Variants in ITGA6 observed in about 807,000 individuals in gnomAD.
ITGA6 encodes the protein integrin alpha-6.
Under a neutral mutation model 133.6 loss-of-function variants are expected in ITGA6, and 63 were observed. That is an observed-to-expected ratio of 0.47 (90% CI 0.38 to 0.58). The LOEUF is 0.58. Ranked by LOEUF, ITGA6 falls within the 20% of genes least tolerant of loss-of-function variation. The pLI is 0.00. For synonymous variants in ITGA6, 434 were observed against 482.0 expected (o/e 0.90, Z 1.30); for missense variants, 1,068 against 1,309.4 (o/e 0.82, Z 2.85).
At position 172,475,645 on chromosome 2, in the gene ITGA6, A is replaced by C; in HGVS notation, c.1229A>C (p.Tyr410Ser). The C allele has an allele frequency of 6.2e-7, 1 of 1,608,052 alleles. No individual in the cohort carries two copies. The highest frequency in any genetic ancestry group is 8.5e-7 in the Non-Finnish European group (1 of 1,174,514). ...PYDDLGKVFI[Y>S]HGSANGINTK... ...GATGACTTGGGAAAGGTTTTTATCT[A>C]TCATGGATCTGCAAATGGAATAAAT... is the stretch of plus-strand genomic sequence containing the variant. The change falls in exon 8 of 26, where the codon TAT (tyrosine) becomes TCT (serine). Residue 410 changes from tyrosine (Y) to serine (S), a missense_variant. By Grantham distance (144) the Tyr-to-Ser change is moderately radical (BLOSUM62 -2). Around this residue, in one of 3 missense-constraint regions of ITGA6, gnomAD observed 317 missense variants for 456.9 expected, o/e 0.69. Transcript: ENST00000684293.
intron 5 of ITGA6, chr2:172,472,940 A>C: frequency 8.0e-7 from 1 of 1,249,588 alleles, no homozygotes; most frequent in South Asian, 1.2e-5. Context: ...GTGGTCATTA[A>C]ATTTTTTTTT....
At position 172,487,299 on chromosome 2, in the gene ITGA6, A is replaced by C. The variant is rs1686726416; in HGVS notation, c.2006A>C (p.Gln669Pro). The C allele has an allele frequency of 4.3e-6, 7 of 1,613,990 alleles. No homozygotes were observed. The Admixed American group carries it at 1.0e-4, about 23-fold the overall frequency. ...KGVPELVLKD[Q>P]KDIALEITVT... ...GTACCAGAACTAGTTCTAAAAGATC[A>C]GAAGGATATTGCTTTAGAAATAACA... is the stretch of plus-strand genomic sequence containing the variant. Residue 669 changes from glutamine to proline, a missense_variant, in exon 15 of 26, where the codon CAG (glutamine) becomes CCG (proline). Coordinates refer to ENST00000684293, the MANE Select transcript of ITGA6 (RefSeq NM_000210.4).
At chr2:172,469,445 C>CCATG (rs3215376) in intron 4 of ITGA6, 65 bp downstream of exon 4, 116 of 1,466,816 alleles carry the variant, frequency 7.9e-5, no homozygotes, top group Non-Finnish European at 9.9e-5. Flanking sequence ...TGATTTAGTA[C>CCATG]ATTTTGAGCT....
chr2:172,493,815 G>A (rs150386024), intron 23 of ITGA6, among the ~76,000 whole-genome samples: 169 of 152,324 alleles, frequency 1.1e-3, no homozygotes, highest in African/African-American at 3.9e-3. Context: ...TTCAAGTGCT[G>A]TCTTCTTCTG....
chr2:172,431,222 C>A (rs546592006), intron 1 of ITGA6, among the ~76,000 whole-genome samples: 1 of 152,148 alleles, frequency 6.6e-6, no homozygotes, highest in Admixed American at 6.5e-5. Flanking sequence ...ATCATCTAGT[C>A]CAACTGCCTC....
chr2:172,488,774 C>G (rs1686796556), intron 19 of ITGA6, among the ~76,000 whole-genome samples: 1 of 152,174 alleles, frequency 6.6e-6, no homozygotes, highest in Non-Finnish European at 1.5e-5. Context: ...CCTCAAATGG[C>G]AAGCATGGGC....
intron 11 of ITGA6, among the ~76,000 whole-genome samples, chr2:172,481,696 G>A (rs1046706705): frequency 2.0e-5 from 3 of 152,164 alleles, no homozygotes; most frequent in South Asian, 2.1e-4. Context: ...GACCTTGCAC[G>A]AAGCATTCTT....
Position 172,485,207 on chromosome 2 carries a change from A to G in ITGA6, c.1797A>G (p.Ser599=), listed in dbSNP as rs779673492. The G allele has an allele frequency of 1.6e-5, 26 of 1,614,068 alleles. No individual in the cohort carries two copies. Among genetic ancestry groups the G allele is most frequent in the Non-Finnish European group, 2.2e-5 (26 of 1,179,880 alleles). ...QEPSSRRRVN[S]LPEVLPILNS... is the part of the protein sequence containing the mutation. ...CAAGCTCTCGTAGGCGAGTGAATTC[A>G]CTTCCAGAAGTTCTTCCAATTCTGA... is the stretch of plus-strand genomic sequence containing the variant. The change falls in exon 13 of 26, where the codon TCA becomes TCG. Residue 599 remains serine, a synonymous_variant. Coordinates refer to ENST00000684293, the MANE Select transcript of ITGA6 (RefSeq NM_000210.4).
intron 1 of ITGA6, among the ~76,000 whole-genome samples, chr2:172,460,617 G>C (rs1277215350): frequency 1.3e-5 from 2 of 152,138 alleles, no homozygotes; most frequent in African/African-American, 4.8e-5. Flanking sequence ...GTGGGGCTTG[G>C]GATGAGTTTG....
At chr2:172,432,298 A>G (rs1278287647) in intron 1 of ITGA6, among the ~76,000 whole-genome samples, 1 of 152,228 alleles carries the variant, frequency 6.6e-6, no homozygotes, top group African/African-American at 2.4e-5. Context: ...TCTGTAGCAC[A>G]TTGTGTCTGA....
intron 11 of ITGA6, among the ~76,000 whole-genome samples, chr2:172,481,335 G>C (rs563281661): frequency 6.6e-6 from 1 of 152,168 alleles, no homozygotes; most frequent in African/African-American, 2.4e-5. Context: ...GCCACATAAG[G>C]ACTAGGGTTT....
chr2:172,465,503 A>G, intron 1 of ITGA6, 36 bp from the exon 2 acceptor site: 1 of 1,613,378 alleles, frequency 6.2e-7, no homozygotes, highest in South Asian at 1.1e-5. Context: ...CGTATATTAA[A>G]TTCAAATCTC....
At chr2:172,444,948 C>A (rs1236105015) in intron 1 of ITGA6, among the ~76,000 whole-genome samples, 1 of 147,554 alleles carries the variant, frequency 6.8e-6, no homozygotes, top group East Asian at 2.8e-4. Context: ...AGGCATATAA[C>A]TTGATTTCTG....
intron 13 of ITGA6, 67 bp from the exon 14 acceptor site, chr2:172,486,956 C>T: frequency 2.4e-6 from 2 of 826,242 alleles, no homozygotes; most frequent in Non-Finnish European, 2.1e-6. Flanking sequence ...AATAGCCAGT[C>T]ACCTACATCG....
At chr2:172,428,847 C>T (rs976943991) in intron 1 of ITGA6, among the ~76,000 whole-genome samples, 2 of 152,222 alleles carry the variant, frequency 1.3e-5, no homozygotes, top group South Asian at 2.1e-4. Flanking sequence ...ATTTCTTAAA[C>T]AGTGTTTGGT....
At chr2:172,480,444 C>T (rs548830612) in intron 11 of ITGA6, among the ~76,000 whole-genome samples, 107 of 151,778 alleles carry the variant, frequency 7.0e-4, no homozygotes, top group Non-Finnish European at 1.1e-3. Flanking sequence ...GAAAGGGCAA[C>T]GGCAGGAGCC....
intron 1 of ITGA6, among the ~76,000 whole-genome samples, chr2:172,464,944 G>GGA (rs1559132582): frequency 6.8e-6 from 1 of 147,748 alleles, no homozygotes; most frequent in Non-Finnish European, 1.5e-5. Flanking sequence ...AAACTGGAGG[G>GGA]AAAAAAAAAA....
chr2:172,465,697 G>A (rs1685634792), intron 2 of ITGA6, 34 bp downstream of exon 2: 2 of 1,613,996 alleles, frequency 1.2e-6, no homozygotes, highest in Non-Finnish European at 1.7e-6. Context: ...CGTTCACTCC[G>A]GCAGCTTGCC....
intron 1 of ITGA6, among the ~76,000 whole-genome samples, chr2:172,443,571 G>T (rs1409999363): frequency 2.0e-5 from 3 of 152,214 alleles, no homozygotes; most frequent in African/African-American, 7.2e-5. Flanking sequence ...AGTGGGTTTA[G>T]TAGAGTCTTT....
Sources: gnomAD v4.1 joint callset for allele counts (sites outside exome capture counted in the v4.1 genomes callset) on GRCh38, gnomAD v4.1.1 for gene constraint, gnomAD v4.1.1 regional missense constraint, MANE v1.5 for transcripts, NCBI Gene and HGNC (gene_info 2026-07-23, HGNC 2026-07-21) for gene names.